Variants in PPFIA2 observed in about 807,000 individuals in gnomAD.
PPFIA2 encodes liprin-alpha-2.
In PPFIA2, 46 loss-of-function variants were observed where a neutral mutation model predicts 175.5. That is an observed-to-expected ratio of 0.26 (90% CI 0.21 to 0.34). PPFIA2 has a LOEUF of 0.34. Among genes scored for constraint, PPFIA2 ranks in the 10% least tolerant of loss-of-function variants. The pLI, the probability that PPFIA2 is intolerant of heterozygous loss-of-function variation, is 1.00. For synonymous variants in PPFIA2, 568 were observed against 511.4 expected (o/e 1.11, Z -1.49); for missense variants, 1,179 against 1,506.1 (o/e 0.78, Z 3.60).
intron 4 of PPFIA2, among the ~76,000 whole-genome samples, chr12:81,481,565 C>A (rs1056578905): frequency 1.3e-5 from 2 of 152,052 alleles, no homozygotes; most frequent in African/African-American, 2.4e-5. Flanking sequence ...TGGAACAGAA[C>A]AGAAGCCTCA....
intron 4 of PPFIA2, among the ~76,000 whole-genome samples, chr12:81,487,268 C>T (rs1593805367): frequency 6.6e-6 from 1 of 152,038 alleles, no homozygotes; most frequent in Middle Eastern, 3.4e-3. Context: ...CTCGAAGCAA[C>T]TGCTTGTTAT....
intron 3 of PPFIA2, among the ~76,000 whole-genome samples, chr12:81,725,573 A>C (rs1310349989): frequency 6.6e-6 from 1 of 151,052 alleles, no homozygotes; most frequent in East Asian, 1.9e-4. Context: ...AAAATTTAAA[A>C]TAAATGAGTT....
intron 4 of PPFIA2, among the ~76,000 whole-genome samples, chr12:81,654,150 T>TA (rs560689780): frequency 3.0e-4 from 46 of 151,724 alleles, no homozygotes; most frequent in Non-Finnish European, 5.6e-4. Context: ...GAAAAAAATT[T>TA]AAAAAATCTG....
chr12:81,584,082 C>G (rs1461357930), intron 4 of PPFIA2, among the ~76,000 whole-genome samples: 2 of 151,728 alleles, frequency 1.3e-5, no homozygotes, highest in African/African-American at 2.4e-5. Flanking sequence ...TTGTTTTAAC[C>G]TCTTATGCTT....
At chr12:81,437,983 C>T (rs1201720027) in intron 7 of PPFIA2, among the ~76,000 whole-genome samples, 2 of 150,126 alleles carry the variant, frequency 1.3e-5, no homozygotes, top group African/African-American at 4.9e-5. Context: ...TGAATCTGGT[C>T]ATCAAAAAGT....
intron 3 of PPFIA2, among the ~76,000 whole-genome samples, chr12:81,705,505 T>C (rs1471634869): frequency 6.7e-6 from 1 of 149,206 alleles, no homozygotes. Flanking sequence ...ATACAGTACC[T>C]ACTCACAGAG....
At chr12:81,307,212 T>C (rs536577399) in intron 22 of PPFIA2, among the ~76,000 whole-genome samples, 6 of 152,288 alleles carry the variant, frequency 3.9e-5, no homozygotes, top group African/African-American at 4.8e-5. Flanking sequence ...ATCTCACTCA[T>C]AGAGATCACT....
At chr12:81,418,152 T>G (rs1420822757) in intron 7 of PPFIA2, among the ~76,000 whole-genome samples, 1 of 151,872 alleles carries the variant, frequency 6.6e-6, no homozygotes, top group East Asian at 1.9e-4. Context: ...AGCTAGTGAA[T>G]AGCAGAATGA....
rs553184152 is a variant in PPFIA2, at chr12:81,382,699, G to A, written c.984+1324C>T. Among the ~76,000 whole-genome samples, 3 of 152,298 alleles carry A rather than the reference G, an allele frequency of 2.0e-5. No homozygotes were observed. The South Asian group carries it at 6.2e-4, about 32-fold the overall frequency. On this transcript the variant is annotated intron_variant, in intron 9 of 32. Transcript: ENST00000549396. ...TAATAATGGATAAGGAAGACTGCAG[G>A]AGGGTCTGGTTTGCTGAGAAAATAT... is the stretch of plus-strand genomic sequence containing the variant.
chr12:81,574,590 C>A (rs1032671539), intron 4 of PPFIA2, among the ~76,000 whole-genome samples: 1 of 151,542 alleles, frequency 6.6e-6, no homozygotes, highest in African/African-American at 2.4e-5. Context: ...TACTAAGTAC[C>A]TTTTTAGTCA....
At chr12:81,596,323 T>C (rs933964342) in intron 4 of PPFIA2, among the ~76,000 whole-genome samples, 12 of 151,866 alleles carry the variant, frequency 7.9e-5, no homozygotes, top group African/African-American at 2.7e-4. Flanking sequence ...CAAATGACAA[T>C]AGCAACAAAA....
rs774481671 is a variant in PPFIA2 at position 81,339,353 on chromosome 12, G to GAA, written c.2394-21_2394-20dup. 1.9e-6 allele frequency: 3 copies of GAA among 1,544,240 alleles called. No homozygotes were observed. In the African/African-American group the frequency reaches 4.2e-5, roughly 22 times the overall value. ...TAAACTACTGCAAAACACAAAAGAG[G>GAA]AAAATACATGCAACATCCACAAGGT... is the stretch of plus-strand genomic sequence containing the variant. On this transcript the variant is annotated intron_variant, in intron 20 of 32. Coordinates refer to ENST00000549396, the MANE Select transcript of PPFIA2 (RefSeq NM_003625.5).
intron 7 of PPFIA2, among the ~76,000 whole-genome samples, chr12:81,418,279 A>G (rs2045663943): frequency 6.6e-6 from 1 of 151,798 alleles, no homozygotes; most frequent in African/African-American, 2.4e-5. Context: ...AACCAAGTAA[A>G]TACTCTATTT....
chr12:81,576,855 G>A (rs115705978), intron 4 of PPFIA2, among the ~76,000 whole-genome samples: 1,567 of 151,690 alleles, frequency 0.01, 30 homozygotes, highest in African/African-American at 0.033. Context: ...TTTTTGGAGG[G>A]AGGGATTGGT....
At chr12:81,563,250 C>A (rs551784952) in intron 4 of PPFIA2, among the ~76,000 whole-genome samples, 138 of 152,296 alleles carry the variant, frequency 9.1e-4, no homozygotes, top group Non-Finnish European at 1.7e-3. Context: ...TTTCTTCTGG[C>A]ATCTCCACTA....
At chr12:81,593,511 C>T (rs1430328708) in intron 4 of PPFIA2, among the ~76,000 whole-genome samples, 4 of 152,102 alleles carry the variant, frequency 2.6e-5, no homozygotes, top group African/African-American at 9.7e-5. Flanking sequence ...AATATATTTT[C>T]CACCTTACAC....
chr12:81,534,924 G>T (rs1342303778), intron 4 of PPFIA2, among the ~76,000 whole-genome samples: 1 of 151,644 alleles, frequency 6.6e-6, no homozygotes, highest in African/African-American at 2.4e-5. Context: ...TTGGAGAAAT[G>T]GATAATTAGG....
chr12:81,690,807 T>A (rs1045602131), intron 3 of PPFIA2, among the ~76,000 whole-genome samples: 1 of 152,100 alleles, frequency 6.6e-6, no homozygotes, highest in African/African-American at 2.4e-5. Flanking sequence ...CAGAGGAGAA[T>A]CCATTTCCTT....
intron 22 of PPFIA2, among the ~76,000 whole-genome samples, chr12:81,319,866 G>A (rs959918415): frequency 1.3e-5 from 2 of 151,890 alleles, no homozygotes; most frequent in African/African-American, 2.4e-5. Flanking sequence ...CTAATATCAT[G>A]CAAGTGAATC....
Sources: allele counts gnomAD v4.1 joint callset (sites outside exome capture counted in the v4.1 genomes callset), GRCh38; gene constraint gnomAD v4.1.1; transcripts MANE v1.5; gene names NCBI Gene and HGNC (gene_info 2026-07-23, HGNC 2026-07-21).